Variants in ABHD3 observed in about 807,000 individuals in gnomAD.
The protein encoded by ABHD3 is phospholipase ABHD3.
ABHD3 carries 46 observed loss-of-function variants against 48.8 expected under a neutral mutation model. The observed-to-expected ratio is 0.94, with a 90% CI of 0.74 to 1.20. The LOEUF is 1.20. Among genes scored for constraint, ABHD3 ranks in the 50% most tolerant of loss-of-function variants. The pLI is 0.00. For synonymous variants in ABHD3, 192 were observed against 183.7 expected (o/e 1.04, Z -0.36); for missense variants, 490 against 497.8 (o/e 0.98, Z 0.15).
chr18:21,657,271 A>C, intron 6 of ABHD3, 119 bp from the exon 7 acceptor site: 1 of 798,296 alleles, frequency 1.3e-6, no homozygotes, highest in Non-Finnish European at 2.0e-6. Flanking sequence ...GCACTCAATA[A>C]ATATTTGCTT....
At chr18:21,684,650 T>C (rs1416371224) in intron 3 of ABHD3, among the ~76,000 whole-genome samples, 1 of 152,040 alleles carries the variant, frequency 6.6e-6, no homozygotes, top group Non-Finnish European at 1.5e-5. Context: ...AAAGAAAAAA[T>C]ATATATCCTC....
intron 8 of ABHD3, among the ~76,000 whole-genome samples, chr18:21,652,029 A>T (rs2039233847): frequency 6.6e-6 from 1 of 152,206 alleles, no homozygotes; most frequent in South Asian, 2.1e-4. Context: ...TTCATAACAC[A>T]AAAGTATACA....
At chr18:21,678,899 T>G (rs2039947510) in intron 4 of ABHD3, among the ~76,000 whole-genome samples, 1 of 152,160 alleles carries the variant, frequency 6.6e-6, no homozygotes, top group South Asian at 2.1e-4. Context: ...CTACAATAAC[T>G]AATTGGAAAT....
intron 2 of ABHD3, 82 bp downstream of exon 2, chr18:21,703,502 A>G (rs1568168654): frequency 1.4e-5 from 21 of 1,509,824 alleles, no homozygotes; most frequent in Non-Finnish European, 1.7e-5. Flanking sequence ...AGATTCTATT[A>G]ACCAAGAACT....
At chr18:21,679,227 T>C (rs2039954180) in intron 4 of ABHD3, among the ~76,000 whole-genome samples, 1 of 152,336 alleles carries the variant, frequency 6.6e-6, no homozygotes, top group Non-Finnish European at 1.5e-5. Context: ...TCCTCTAGTA[T>C]GAAACAGTAA....
At chr18:21,657,297 G>C (rs1244557573) in intron 6 of ABHD3, 145 bp from the exon 7 acceptor site, 2 of 641,442 alleles carry the variant, frequency 3.1e-6, no homozygotes, top group African/African-American at 1.8e-5. Flanking sequence ...GGTACGGCAG[G>C]ATTAGAATAA....
At chr18:21,651,845 A>G in intron 8 of ABHD3, 82 bp from the exon 9 acceptor site, 1 of 1,255,710 alleles carries the variant, frequency 8.0e-7, no homozygotes, top group South Asian at 1.6e-5. Flanking sequence ...CAGGAAAAGC[A>G]TATACCTTTA....
At chr18:21,668,200 CAAAAAAAAAA>C (rs747590942) in intron 4 of ABHD3, among the ~76,000 whole-genome samples, 2 of 61,354 alleles carry the variant, frequency 3.3e-5, no homozygotes, top group African/African-American at 7.5e-5. Flanking sequence ...GAATCTATCT[CAAAAAAAAAA>C]AAAAAAAAAA....
intron 4 of ABHD3, among the ~76,000 whole-genome samples, chr18:21,668,058 G>A (rs1355487580): frequency 2.0e-5 from 3 of 151,610 alleles, no homozygotes; most frequent in African/African-American, 4.8e-5. Context: ...AAAATTAGCC[G>A]GGTGTGGTGG....
At chr18:21,698,558 T>C (rs181395803) in intron 3 of ABHD3, among the ~76,000 whole-genome samples, 76 of 152,120 alleles carry the variant, frequency 5.0e-4, no homozygotes, top group Non-Finnish European at 1.5e-4. Context: ...TTCTTTTTTT[T>C]CTTTTTTTAA....
At position 21,673,915 on chromosome 18, in the gene ABHD3, A is replaced by AT. The variant is rs1451486672; in HGVS notation, c.556-9686dup. ...CCATCACACCTGGCCAGGGATCAGTATTTTTCAATGCTTCCCAGGGGACTC... is the reference window on the plus strand; with the variant it reads ...CCATCACACCTGGCCAGGGATCAGTATTTTTTCAATGCTTCCCAGGGGACTC... On this transcript the variant is annotated intron_variant, in intron 4 of 8. Coordinates refer to ENST00000289119, the MANE Select transcript of ABHD3 (RefSeq NM_138340.5). 7.9e-5 allele frequency among the ~76,000 whole-genome samples: 12 copies of AT among 152,142 alleles called. No individual in the cohort carries two copies. The South Asian group carries it at 2.3e-3, about 29-fold the overall frequency.
At chr18:21,674,020 G>A (rs1229441480) in intron 4 of ABHD3, among the ~76,000 whole-genome samples, 1 of 152,084 alleles carries the variant, frequency 6.6e-6, no homozygotes, top group East Asian at 1.9e-4. Context: ...ATGCTGCAGT[G>A]GTAAGAATGG....
At chr18:21,691,612 T>A (rs934366003) in intron 3 of ABHD3, among the ~76,000 whole-genome samples, 1 of 152,232 alleles carries the variant, frequency 6.6e-6, no homozygotes, top group African/African-American at 2.4e-5. Flanking sequence ...GATTATCATA[T>A]GGTAATGGAG....
At chr18:21,687,854 T>C (rs113825158) in intron 3 of ABHD3, among the ~76,000 whole-genome samples, 3 of 152,336 alleles carry the variant, frequency 2.0e-5, no homozygotes, top group Non-Finnish European at 2.9e-5. Flanking sequence ...AATAATTCTT[T>C]GTAGCAGTGC....
intron 3 of ABHD3, among the ~76,000 whole-genome samples, chr18:21,695,607 T>C (rs1383473635): frequency 6.7e-6 from 1 of 149,782 alleles, no homozygotes; most frequent in African/African-American, 2.5e-5. Context: ...TTACTTTTAA[T>C]GGCATTAAAT....
rs11877119 is a variant in ABHD3, at chr18:21,690,550, C to T, written c.510-6585G>A. The stretch of plus-strand genomic sequence containing the variant: ...CCAGGAGGCGGAGCTTGCAGTGAGT[C>T]GAGATCATGCCACTGCACTCCAGCC... On this transcript the variant is annotated intron_variant, in intron 3 of 8. Transcript: ENST00000289119. Among the ~76,000 whole-genome samples the T allele has an allele frequency of 7.3e-3, 1,104 of 152,112 alleles. 15 individuals are homozygous for T. The highest frequency in any genetic ancestry group is 0.025 in the African/African-American group (1,040 of 41,498).
intron 4 of ABHD3, among the ~76,000 whole-genome samples, chr18:21,676,694 A>G (rs912152396): frequency 6.6e-6 from 1 of 152,228 alleles, no homozygotes; most frequent in Non-Finnish European, 1.5e-5. Flanking sequence ...TCCGGCCTTA[A>G]GTTGGCTGAC....
At position 21,704,624 on chromosome 18, in the gene ABHD3, C is replaced by A; in HGVS notation, c.42G>T (p.Glu14Asp). 3 of 1,548,944 alleles carry A rather than the reference C, an allele frequency of 1.9e-6. No individual in the cohort carries two copies. The highest frequency in any genetic ancestry group is 2.6e-6 in the Non-Finnish European group (3 of 1,150,342). ...LAMDLRMLSRELSLYLEHQVR... is the reference protein window; with the variant it reads ...LAMDLRMLSRDLSLYLEHQVR... ...CTTGGTGTTCCAGGTAGAGGGAGAG[C>A]TCCCGGGACAACATCCGCAGGTCCA... Residue 14 changes from glutamate (E) to aspartate (D), a missense_variant, in exon 1 of 9, where the codon GAG becomes GAT. By Grantham distance (45) the Glu-to-Asp change is conservative. Coordinates refer to ENST00000289119, the MANE Select transcript of ABHD3 (RefSeq NM_138340.5).
chr18:21,656,051 G>A (rs1318885656), intron 8 of ABHD3, among the ~76,000 whole-genome samples: 1 of 152,038 alleles, frequency 6.6e-6, no homozygotes, highest in Non-Finnish European at 1.5e-5. Context: ...AGCTACTTGG[G>A]AGGCTGAGGA....
Sources: gnomAD v4.1 joint callset for allele counts (sites outside exome capture counted in the v4.1 genomes callset) on GRCh38, gnomAD v4.1.1 for gene constraint, MANE v1.5 for transcripts, NCBI Gene and HGNC (gene_info 2026-07-23, HGNC 2026-07-21) for gene names.